The following MDGA2 variants were observed in gnomAD, a reference collection of about 807,000 sequenced individuals.
The protein encoded by MDGA2 is MAM domain containing glycosylphosphatidylinositol anchor 2, also known as MAM domain-containing glycosylphosphatidylinositol anchor protein 2.
In MDGA2, 40 loss-of-function variants were observed where a neutral mutation model predicts 117.8. The observed-to-expected ratio is 0.34, with a 90% confidence interval of 0.26 to 0.44. MDGA2 has a LOEUF of 0.44. Among genes scored for constraint, MDGA2 ranks in the 20% least tolerant of loss-of-function variants. The pLI is 1.00. For synonymous variants in MDGA2, 452 were observed against 439.0 expected (o/e 1.03, Z -0.37); for missense variants, 1,123 against 1,250.6 (o/e 0.90, Z 1.54).
chr14:47,484,776 T>C (rs1894024556), intron 1 of MDGA2, among the ~76,000 whole-genome samples: 2 of 152,176 alleles, frequency 1.3e-5, no homozygotes, highest in African/African-American at 4.8e-5. Context: ...CGAGAGCTGA[T>C]GGTTTTAAAA....
chr14:47,396,474 C>A (rs1166929483), intron 1 of MDGA2, among the ~76,000 whole-genome samples: 1 of 152,062 alleles, frequency 6.6e-6, no homozygotes, highest in Non-Finnish European at 1.5e-5. Flanking sequence ...CAACAAAAGT[C>A]AAAATTGACA....
intron 1 of MDGA2, among the ~76,000 whole-genome samples, chr14:47,388,909 C>G (rs752157142): frequency 1.3e-5 from 2 of 152,164 alleles, no homozygotes; most frequent in African/African-American, 2.4e-5. Flanking sequence ...CAGTTACAAG[C>G]ATATGTCCCG....
intron 8 of MDGA2, among the ~76,000 whole-genome samples, chr14:47,022,361 G>A (rs1395467793): frequency 6.6e-6 from 1 of 152,138 alleles, no homozygotes; most frequent in Admixed American, 6.5e-5. Flanking sequence ...TTACAGGTAT[G>A]AGCCACCACA....
intron 3 of MDGA2, among the ~76,000 whole-genome samples, chr14:47,158,512 ACT>A (rs1185619714): frequency 6.7e-6 from 1 of 150,018 alleles, no homozygotes; most frequent in Non-Finnish European, 1.5e-5. Context: ...ATGGAGTCTA[ACT>A]CTGCCACTCA....
chr14:46,968,989 A>AC (rs1305065032), intron 8 of MDGA2, among the ~76,000 whole-genome samples: 1 of 152,188 alleles, frequency 6.6e-6, no homozygotes, highest in East Asian at 1.9e-4. Flanking sequence ...TGCAATAGCT[A>AC]GAAAAAATAT....
intron 3 of MDGA2, among the ~76,000 whole-genome samples, chr14:47,171,554 T>G (rs932490808): frequency 6.6e-6 from 1 of 152,194 alleles, no homozygotes; most frequent in Non-Finnish European, 1.5e-5. Context: ...GATTTCTTAT[T>G]GTTCAAAGGG....
rs1408386248 is a variant in MDGA2, at chr14:47,310,522, ACC to A, written c.281-8974_281-8973del. ...ACGACTTGTATAAACTAAGTGGAAT[ACC>A]CCAACTTGAAGGTAAATATTGTAGG... On this transcript the variant is annotated intron_variant, in intron 1 of 16. Transcript: ENST00000399232. Among the ~76,000 whole-genome samples the A allele has an allele frequency of 2.6e-5, 4 of 152,176 alleles. No homozygotes were observed. The East Asian group carries it at 7.7e-4, about 29-fold the overall frequency.
chr14:47,072,420 A>C (rs1466329724), intron 6 of MDGA2, among the ~76,000 whole-genome samples: 1 of 152,204 alleles, frequency 6.6e-6, no homozygotes, highest in African/African-American at 2.4e-5. Flanking sequence ...GTTAAGACAC[A>C]TCTAAGAGAA....
intron 1 of MDGA2, among the ~76,000 whole-genome samples, chr14:47,383,107 G>T (rs531395247): frequency 7.9e-5 from 12 of 152,270 alleles, no homozygotes; most frequent in Non-Finnish European, 1.6e-4. Context: ...CACAAGGACA[G>T]AAAACCAAAC....
At chr14:47,467,503 T>G (rs1488994017) in intron 1 of MDGA2, among the ~76,000 whole-genome samples, 1 of 152,096 alleles carries the variant, frequency 6.6e-6, no homozygotes, top group Non-Finnish European at 1.5e-5. Flanking sequence ...ATTGCATGAA[T>G]GAGGACATTC....
intron 14 of MDGA2, among the ~76,000 whole-genome samples, chr14:46,867,213 T>C (rs887404899): frequency 2.0e-5 from 3 of 152,142 alleles, no homozygotes; most frequent in African/African-American, 7.2e-5. Context: ...TATGCAGCCA[T>C]AAAAAATGAT....
chr14:46,982,315 A>G (rs1886703338), intron 8 of MDGA2, among the ~76,000 whole-genome samples: 1 of 152,150 alleles, frequency 6.6e-6, no homozygotes, highest in Admixed American at 6.6e-5. Context: ...ATGGTGTAAA[A>G]GTAGTATTAT....
intron 1 of MDGA2, among the ~76,000 whole-genome samples, chr14:47,470,876 C>T (rs868503638): frequency 6.6e-6 from 1 of 152,254 alleles, no homozygotes; most frequent in South Asian, 2.1e-4. Context: ...TGATTTTATA[C>T]TTAGTAATGA....
At chr14:47,109,425 C>A (rs111915444) in intron 5 of MDGA2, among the ~76,000 whole-genome samples, 3,945 of 152,150 alleles carry the variant, frequency 0.026, 167 homozygotes, top group African/African-American at 0.09. Flanking sequence ...CTTTATAATA[C>A]CCCCTCATTA....
At position 47,408,078 on chromosome 14, in the gene MDGA2, G is replaced by GTTTTA. The variant is rs1566772553; in HGVS notation, c.281-106529_281-106528insTAAAA. The stretch of plus-strand genomic sequence containing the variant: ...ATTCTTTTTTTTTTTTTTTTTTTTG[G>GTTTTA]TGGCATCTTGCTCTGTTGCCAGGCT... On this transcript the variant is annotated intron_variant, in intron 1 of 16. Coordinates refer to ENST00000399232, the MANE Select transcript of MDGA2 (RefSeq NM_001113498.3). 2.6e-3 allele frequency among the ~76,000 whole-genome samples: 358 copies of GTTTTA among 136,230 alleles called. 2 individuals carry two copies. The highest frequency in any genetic ancestry group is 4.9e-3 in the East Asian group (22 of 4,466). 89.4% of individuals were successfully genotyped at this position (136,230 alleles called of 152,430 possible). A position where few individuals can be genotyped will look rare whatever the true frequency, so the allele number is the denominator to read the frequency against.
At chr14:47,113,408 T>G (rs1211292514) in intron 5 of MDGA2, among the ~76,000 whole-genome samples, 1 of 152,108 alleles carries the variant, frequency 6.6e-6, no homozygotes, top group Non-Finnish European at 1.5e-5. Flanking sequence ...CCTAACTCAC[T>G]TTATGAGGCC....
rs146722286 is a variant in MDGA2, at chr14:47,324,854, A to AAG, written c.281-23306_281-23305dup. Among the ~76,000 whole-genome samples, 199 of 149,400 alleles carry AAG rather than the reference A, an allele frequency of 1.3e-3. 3 individuals are homozygous for AAG. The highest frequency in any genetic ancestry group is 3.2e-3 in the South Asian group (15 of 4,736). On this transcript the variant is annotated intron_variant, in intron 1 of 16. Transcript: ENST00000399232. Reference sequence around the variant, plus strand: ...GTATACACAGAGAGAGAGAGAGAGAAAGAGAGAGAGAGAGAGAGATAAGGC... The same window carrying AAG: ...GTATACACAGAGAGAGAGAGAGAGAAAGAGAGAGAGAGAGAGAGAGATAAGGC...
chr14:47,528,797 G>C lies in MDGA2; in HGVS notation c.280+145720C>G, dbSNP rs370678353. Among the ~76,000 whole-genome samples, 4 of 151,696 alleles carry C rather than the reference G, an allele frequency of 2.6e-5. No homozygotes were observed. In the East Asian group the frequency reaches 5.8e-4, roughly 22 times the overall value. On this transcript the variant is annotated intron_variant, in intron 1 of 16. Coordinates refer to ENST00000399232, the MANE Select transcript of MDGA2 (RefSeq NM_001113498.3). ...AGCCTTAAATAAATTCTCTCTTTTT[G>C]CATCTGATTTTGAAACTCATGAATA...
At chr14:47,632,309 C>A (rs745889953) in intron 1 of MDGA2, among the ~76,000 whole-genome samples, 2 of 152,230 alleles carry the variant, frequency 1.3e-5, no homozygotes, top group Non-Finnish European at 2.9e-5. Context: ...TCTCTTCCTA[C>A]ACAAACATCC....
Sources: allele counts gnomAD v4.1 joint callset (sites outside exome capture counted in the v4.1 genomes callset), GRCh38; gene constraint gnomAD v4.1.1; transcripts MANE v1.5; gene names NCBI Gene and HGNC (gene_info 2026-07-23, HGNC 2026-07-21).